Variants in EXPH5 observed in about 807,000 individuals in gnomAD.
EXPH5 encodes the protein exophilin-5.
EXPH5 carries 42 observed loss-of-function variants against 41.1 expected under a neutral mutation model. The observed-to-expected ratio is 1.02, with a 90% CI of 0.80 to 1.32. The LOEUF is 1.32. EXPH5 is among the 40% of genes most tolerant of loss of function. The pLI is 0.00. For synonymous variants in EXPH5, 798 were observed against 833.5 expected, an observed-to-expected ratio of 0.96 and a Z score of 0.73; for missense variants, 2,298 against 2,314.5, an observed-to-expected ratio of 0.99 and a Z score of 0.15.
intron 1 of EXPH5, among the ~76,000 whole-genome samples, chr11:108,566,726 C>T (rs1471380409): frequency 6.6e-6 from 1 of 152,170 alleles, no homozygotes; most frequent in Admixed American, 6.5e-5. Context: ...CCCAGCCCCT[C>T]TGAAATTCTC....
chr11:108,578,225 TA>T (rs1186859458), intron 1 of EXPH5, among the ~76,000 whole-genome samples: 2 of 152,220 alleles, frequency 1.3e-5, no homozygotes, highest in Admixed American at 6.5e-5. Context: ...TGGTGAGAGA[TA>T]GGGGTCTACT....
At chr11:108,554,959 C>T (rs567398296) in intron 1 of EXPH5, among the ~76,000 whole-genome samples, 1 of 152,304 alleles carries the variant, frequency 6.6e-6, no homozygotes, top group African/African-American at 2.4e-5. Flanking sequence ...GAATCATCCT[C>T]AGATTTCCTT....
At chr11:108,599,959 T>C in the EXPH5 span, among the ~76,000 whole-genome samples, 1 of 152,220 alleles carries the variant, frequency 6.6e-6, no homozygotes, top group African/African-American at 2.4e-5. Context: ...CCTACATTTG[T>C]TTGCTTCCAT....
chr11:108,509,394 A>T lies in EXPH5; in HGVS notation c.*143T>A, dbSNP rs917403797. The T allele has an allele frequency of 8.8e-6, 6 of 678,590 alleles. No individual in the cohort carries two copies. Among genetic ancestry groups the T allele is most frequent in the Non-Finnish European group, 1.4e-5 (6 of 419,948 alleles). 42.0% of individuals were successfully genotyped at this position (678,590 alleles called of 1,614,324 possible). On this transcript the variant is annotated 3_prime_UTR_variant, in exon 6 of 6. Coordinates refer to ENST00000265843, the MANE Select transcript of EXPH5 (RefSeq NM_015065.3). Reference sequence around the variant, plus strand: ...CAGGAAGTGTCTATATAGGGTGTGGAGGAAAAAAAAGGAGATGTGGGACAT... The same window carrying T: ...CAGGAAGTGTCTATATAGGGTGTGGTGGAAAAAAAAGGAGATGTGGGACAT...
intron 5 of EXPH5, among the ~76,000 whole-genome samples, chr11:108,516,028 C>T (rs1341070036): frequency 2.7e-5 from 4 of 147,078 alleles, no homozygotes; most frequent in Admixed American, 6.9e-5. Flanking sequence ...GCCAAGATGG[C>T]GCCACTGCAC....
At chr11:108,587,239 C>G (rs1160491265) in intron 1 of EXPH5, among the ~76,000 whole-genome samples, 2 of 152,212 alleles carry the variant, frequency 1.3e-5, no homozygotes, top group African/African-American at 4.8e-5. Flanking sequence ...CGTCATTTAG[C>G]ATTAGGTATA....
At chr11:108,534,074 C>T (rs1408810097) in intron 3 of EXPH5, among the ~76,000 whole-genome samples, 2 of 152,148 alleles carry the variant, frequency 1.3e-5, no homozygotes, top group African/African-American at 2.4e-5. Flanking sequence ...AGATTACAGG[C>T]GGCCACCACA....
At chr11:108,562,684 C>T (rs1327886621) in intron 1 of EXPH5, among the ~76,000 whole-genome samples, 5 of 151,928 alleles carry the variant, frequency 3.3e-5, no homozygotes, top group African/African-American at 7.3e-5. Flanking sequence ...TTGAAGGGGC[C>T]GGGCATGGTG....
At chr11:108,521,961 C>T (rs950295839) in intron 4 of EXPH5, among the ~76,000 whole-genome samples, 1 of 152,118 alleles carries the variant, frequency 6.6e-6, no homozygotes, top group Non-Finnish European at 1.5e-5. Context: ...AGAGGGGTCA[C>T]GTGAAGAGAT....
intron 1 of EXPH5, among the ~76,000 whole-genome samples, chr11:108,551,499 C>T (rs1169398317): frequency 6.6e-6 from 1 of 152,178 alleles, no homozygotes; most frequent in African/African-American, 2.4e-5. Context: ...TCTCACTTCT[C>T]TGTTTATCTC....
Position 108,514,273 on chromosome 11 carries a change from T to A in EXPH5, c.1234A>T (p.Asn412Tyr). The A allele has an allele frequency of 6.2e-7, 1 of 1,614,080 alleles. No individual in the cohort carries two copies. Among genetic ancestry groups the A allele is most frequent in the Non-Finnish European group, 8.5e-7 (1 of 1,180,000 alleles). The change falls in exon 6 of 6, where the codon AAT becomes TAT. Residue 412 changes from asparagine to tyrosine, a missense_variant. Asn to Tyr is a moderately radical substitution (Grantham distance 143). Transcript: ENST00000265843. ...KYVYPRGFQE[N>Y]KRYESYHSQN... Reference sequence around the variant, plus strand: ...GAATGGTACGATTCATATCTCTTATTCTCCTGAAAACCCCTGGGATACACA... The same window carrying A: ...GAATGGTACGATTCATATCTCTTATACTCCTGAAAACCCCTGGGATACACA...
intron 1 of EXPH5, among the ~76,000 whole-genome samples, chr11:108,590,987 T>C (rs1205454207): frequency 1.3e-5 from 2 of 152,196 alleles, no homozygotes; most frequent in African/African-American, 4.8e-5. Flanking sequence ...TTCTTAGTTG[T>C]CTTGCAGATA....
rs1331924323 is a variant in EXPH5 at position 108,510,407 on chromosome 11, C to G, written c.5100G>C (p.Gln1700His). The G allele has an allele frequency of 1.2e-6, 2 of 1,614,044 alleles. No individual in the cohort carries two copies. Among genetic ancestry groups the G allele is most frequent in the South Asian group, 2.2e-5 (2 of 91,050 alleles). ...ATTCTGAGACGTTTTTAAACTCATT[C>G]TGATGTCGTTGTGAAATGCTGTTAG... Reference protein sequence around the residue: ...QKSNSISQRHQNEFKNVSESP... With the variant: ...QKSNSISQRHHNEFKNVSESP... The change falls in exon 6 of 6, where the codon CAG becomes CAC. Residue 1700 changes from glutamine (Q) to histidine (H), a missense_variant. Physicochemically the swap from Gln to His is conservative, Grantham distance 24 (BLOSUM62 0). Coordinates refer to ENST00000265843, the MANE Select transcript of EXPH5 (RefSeq NM_015065.3).
intron 3 of EXPH5, among the ~76,000 whole-genome samples, chr11:108,534,826 A>G (rs1422339307): frequency 1.3e-5 from 2 of 152,136 alleles, no homozygotes; most frequent in Non-Finnish European, 1.5e-5. Context: ...CCTTCTTGTC[A>G]TTTGCTGGAA....
intron 1 of EXPH5, among the ~76,000 whole-genome samples, chr11:108,565,824 G>T (rs2094032161): frequency 6.6e-6 from 1 of 152,144 alleles, no homozygotes; most frequent in South Asian, 2.1e-4. Flanking sequence ...TAAACCCAGG[G>T]TGCCAACCAT....
Position 108,510,593 on chromosome 11 carries a change from C to T in EXPH5, c.4914G>A (p.Glu1638=). Residue 1638 remains glutamate, a synonymous_variant, in exon 6 of 6, where the codon GAG becomes GAA. Coordinates refer to ENST00000265843, the MANE Select transcript of EXPH5 (RefSeq NM_015065.3). ...TAGGCTCAGGGAACAGTGGGTTGCA[C>T]TCCACTGTGCCAAGAGATAAATGGT... ...GFDHLSLGTV[E]CNPLFPEPTP... The T allele has an allele frequency of 6.2e-7, 1 of 1,614,050 alleles. No individual in the cohort carries two copies. Among genetic ancestry groups the T allele is most frequent in the Non-Finnish European group, 8.5e-7 (1 of 1,179,960 alleles).
At chr11:108,525,641 A>C (rs1458587726) in intron 4 of EXPH5, among the ~76,000 whole-genome samples, 1 of 152,106 alleles carries the variant, frequency 6.6e-6, no homozygotes, top group Non-Finnish European at 1.5e-5. Flanking sequence ...ACAACTTCCC[A>C]TGAAATAGTG....
intron 1 of EXPH5, among the ~76,000 whole-genome samples, chr11:108,556,564 C>T (rs2093991018): frequency 6.6e-6 from 1 of 152,064 alleles, no homozygotes; most frequent in Admixed American, 6.6e-5. Context: ...CCTCTGCCTC[C>T]TAGGTTCAAG....
the EXPH5 span, among the ~76,000 whole-genome samples, chr11:108,606,092 G>T: frequency 5.3e-5 from 8 of 152,218 alleles, no homozygotes; most frequent in East Asian, 1.5e-3. Context: ...GCAGTGGCAC[G>T]ATCATAGCTC....
Sources: gnomAD v4.1 joint callset for allele counts (sites outside exome capture counted in the v4.1 genomes callset) on GRCh38, gnomAD v4.1.1 for gene constraint, MANE v1.5 for transcripts, NCBI Gene and HGNC (gene_info 2026-07-23, HGNC 2026-07-21) for gene names.